ZNF335: variants seen among roughly 807,000 people sequenced by gnomAD.
ZNF335 encodes NRC-interacting factor 1.
ZNF335 carries 84 observed loss-of-function variants against 145.6 expected under a neutral mutation model. That is an observed-to-expected ratio of 0.58 (90% CI 0.48 to 0.69). The LOEUF is 0.69. ZNF335 is among the 30% of genes least tolerant of loss of function. ZNF335 has a pLI of 0.00. For synonymous variants in ZNF335, 761 were observed against 717.0 expected (o/e 1.06, Z -0.98); for missense variants, 1,865 against 1,809.7 (o/e 1.03, Z -0.55).
Position 45,960,751 on chromosome 20 carries a change from G to C in ZNF335, c.1666-19C>G. 6.2e-7 allele frequency: 1 copy of C among 1,612,846 alleles called. No homozygotes were observed. The highest frequency in any genetic ancestry group is 8.5e-7 in the Non-Finnish European group (1 of 1,178,998). ...TTGGAGTCTAGGAAGGCATAAGAAGGGGCCAGATGGAGAAAGAAGTGGAGG... is the reference window on the plus strand; with the variant it reads ...TTGGAGTCTAGGAAGGCATAAGAAGCGGCCAGATGGAGAAAGAAGTGGAGG... On this transcript the variant is annotated intron_variant, in intron 11 of 27. Coordinates refer to ENST00000322927, the MANE Select transcript of ZNF335 (RefSeq NM_022095.4).
In ZNF335 at chr20:45,967,811, T is replaced by G; in HGVS notation, c.737A>C (p.Lys246Thr). ...MMEVVVVQQF[K>T]CKMCQYRSST... Reference sequence around the variant, plus strand: ...GCTCCGGTACTGGCACATCTTGCATTTGAACTGCTGCACCACCACCACCTC... The same window carrying G: ...GCTCCGGTACTGGCACATCTTGCATGTGAACTGCTGCACCACCACCACCTC... Residue 246 changes from lysine (K) to threonine (T), a missense_variant, in exon 5 of 28, where the codon AAA becomes ACA. Lys to Thr is a moderately conservative substitution (Grantham distance 78). Transcript: ENST00000322927. 1 of 1,613,580 alleles carries G rather than the reference T, an allele frequency of 6.2e-7. No homozygotes were observed. Among genetic ancestry groups the G allele is most frequent in the Admixed American group, 1.7e-5 (1 of 60,022 alleles).
chr20:45,949,444 G>A (rs1457564798), intron 25 of ZNF335, 41 bp downstream of exon 25: 1 of 1,613,974 alleles, frequency 6.2e-7, no homozygotes, highest in Non-Finnish European at 8.5e-7. Context: ...AGGTCATGCA[G>A]CCCTTCACCA....
intron 14 of ZNF335, among the ~76,000 whole-genome samples, chr20:45,959,710 C>G (rs1220179466): frequency 2.0e-5 from 3 of 152,190 alleles, no homozygotes; most frequent in East Asian, 3.8e-4. Context: ...GCTAAGGGAA[C>G]CCCTGGCTCC....
rs1467155235 is a variant in ZNF335 at position 45,969,472 on chromosome 20, T to C, written c.421A>G (p.Ile141Val). Reference protein sequence around the residue: ...SAIDKIIESTIGPDLIQNCIT... With the variant: ...SAIDKIIESTVGPDLIQNCIT... ...TCACTCTGGATGAGGTCGGGCCCGA[T>C]GGTGGACTCGATGATCTTGTCGATG... Residue 141 changes from isoleucine (I) to valine (V), a missense_variant, in exon 3 of 28, where the codon ATC becomes GTC. Coordinates refer to ENST00000322927, the MANE Select transcript of ZNF335 (RefSeq NM_022095.4). 6.4e-7 allele frequency: 1 copy of C among 1,553,534 alleles called. No individual in the cohort carries two copies. Among genetic ancestry groups the C allele is most frequent in the Non-Finnish European group, 8.8e-7 (1 of 1,139,614 alleles).
At chr20:45,952,777 G>C in intron 18 of ZNF335, 68 bp from the exon 19 acceptor site, 1 of 1,437,656 alleles carries the variant, frequency 7.0e-7, no homozygotes, top group Non-Finnish European at 9.7e-7. Flanking sequence ...CAAGCAACAG[G>C]CATCAACTGA....
At position 45,971,360 on chromosome 20, in the gene ZNF335, GC is replaced by G. The variant is rs749539754; in HGVS notation, c.50del (p.Gly17AlafsTer83). The G allele has an allele frequency of 1.2e-6, 2 of 1,600,368 alleles. No homozygotes were observed. Among genetic ancestry groups the G allele is most frequent in the South Asian group, 1.1e-5 (1 of 91,032 alleles). On this transcript the variant is annotated frameshift_variant, in exon 2 of 28. Coordinates refer to ENST00000322927, the MANE Select transcript of ZNF335 (RefSeq NM_022095.4). LOFTEE classifies it high-confidence loss of function. ...CGCTCTCAGAGGGCTCCTCGGGCCG[GC>G]CAGGCCCAGGGGCCGCGTCGCTGCT... ...ESSSDAAPGP[G>X]RPEEPSESGL...
chr20:45,959,454 A>G, intron 14 of ZNF335, 21 bp from the exon 15 acceptor site: 1 of 1,424,516 alleles, frequency 7.0e-7, no homozygotes, highest in Non-Finnish European at 9.3e-7. Context: ...ATGTTGGGGC[A>G]TGCTTAAGTC....
Position 45,950,318 on chromosome 20 carries a change from C to T in ZNF335, c.3388G>A (p.Gly1130Arg), listed in dbSNP as rs2083607232. Reference protein sequence around the residue: ...FHIQRLHSPDGRKSGTPTARA... With the variant: ...FHIQRLHSPDRRKSGTPTARA... ...GCTGTAGGGGTTCCTGACTTCCTCC[C>T]ATCAGGACTGTGCAGCCGCTGGATG... Residue 1130 changes from glycine (G) to arginine (R), a missense_variant, in exon 22 of 28, where the codon GGG becomes AGG. Transcript: ENST00000322927. 5.7e-6 allele frequency: 9 copies of T among 1,577,700 alleles called. No homozygotes were observed. Among genetic ancestry groups the T allele is most frequent in the Non-Finnish European group, 7.8e-6 (9 of 1,159,952 alleles).
At chr20:45,957,796 C>A (rs2083756654) in intron 16 of ZNF335, 39 bp downstream of exon 16, 4 of 1,610,966 alleles carry the variant, frequency 2.5e-6, no homozygotes, top group Non-Finnish European at 3.4e-6. Flanking sequence ...ACTCAGAGGT[C>A]CTACCCTCCA....
chr20:45,970,592 GA>G (rs2084040780), intron 2 of ZNF335, among the ~76,000 whole-genome samples: 1 of 152,130 alleles, frequency 6.6e-6, no homozygotes, highest in South Asian at 2.1e-4. Flanking sequence ...CAGCCAGGAG[GA>G]GATGGTTTAC....
intron 24 of ZNF335, 81 bp downstream of exon 24, chr20:45,949,719 A>C (rs1413455461): frequency 6.5e-7 from 1 of 1,549,656 alleles, no homozygotes; most frequent in East Asian, 2.3e-5. Context: ...GTGGTTTGGA[A>C]AGTATCATTC....
chr20:45,950,322 A>C lies in ZNF335; in HGVS notation c.3384T>G (p.Pro1128=). The C allele has an allele frequency of 6.3e-7, 1 of 1,577,468 alleles. No individual in the cohort carries two copies. Among genetic ancestry groups the C allele is most frequent in the Non-Finnish European group, 8.6e-7 (1 of 1,159,688 alleles). The change falls in exon 22 of 28, where the codon CCT becomes CCG. Residue 1128 remains proline, a synonymous_variant. Coordinates refer to ENST00000322927, the MANE Select transcript of ZNF335 (RefSeq NM_022095.4). ...LKFHIQRLHS[P]DGRKSGTPTA... is the part of the protein sequence containing the mutation. Reference sequence around the variant, plus strand: ...TAGGGGTTCCTGACTTCCTCCCATCAGGACTGTGCAGCCGCTGGATGTGGA... The same window carrying C: ...TAGGGGTTCCTGACTTCCTCCCATCCGGACTGTGCAGCCGCTGGATGTGGA...
chr20:45,965,069 T>TAATAATACA (rs1203499217), intron 7 of ZNF335, among the ~76,000 whole-genome samples: 2 of 147,846 alleles, frequency 1.4e-5, no homozygotes, highest in African/African-American at 5.0e-5. Flanking sequence ...ATAATAATAA[T>TAATAATACA]ACAACAACTC....
Position 45,949,324 on chromosome 20 carries a change from C to T in ZNF335, c.3819+9G>A, listed in dbSNP as rs574409465. 29 of 1,614,010 alleles carry T rather than the reference C, an allele frequency of 1.8e-5. No homozygotes were observed. The highest frequency in any genetic ancestry group is 4.0e-5 in the African/African-American group (3 of 74,926). On this transcript the variant is annotated intron_variant, in intron 26 of 27. Transcript: ENST00000322927. Reference sequence around the variant, plus strand: ...TGCCCCAGGTCTCCCTGTCCCCCCACGGCCCTACCTGGGACTCCTGAAGGA... The same window carrying T: ...TGCCCCAGGTCTCCCTGTCCCCCCATGGCCCTACCTGGGACTCCTGAAGGA...
At chr20:45,956,571 A>G (rs900063504) in intron 17 of ZNF335, among the ~76,000 whole-genome samples, 1 of 151,888 alleles carries the variant, frequency 6.6e-6, no homozygotes, top group African/African-American at 2.4e-5. Flanking sequence ...AAGCAGAAAA[A>G]CTCTACCACA....
At chr20:45,965,818 T>C (rs774754320) in intron 6 of ZNF335, 44 bp from the exon 7 acceptor site, 2 of 1,571,502 alleles carry the variant, frequency 1.3e-6, no homozygotes, top group Non-Finnish European at 1.7e-6. Flanking sequence ...TGGCGGGACC[T>C]GCCCTTTCAG....
In ZNF335 at chr20:45,957,926, T is replaced by TA. The variant is rs770096834; in HGVS notation, c.2255dup (p.Pro753ThrfsTer11). ...ACTGGAAAGTTGTCGCCTCTGGGGG[T>TA]ATCTATGGGGTGGAGATATGGCCAC... On this transcript the variant is annotated frameshift_variant and splice_region_variant, in exon 16 of 28. Coordinates refer to ENST00000322927, the MANE Select transcript of ZNF335 (RefSeq NM_022095.4). LOFTEE classifies it high-confidence loss of function. The TA allele has an allele frequency of 1.2e-6, 2 of 1,613,718 alleles. No individual in the cohort carries two copies. Among genetic ancestry groups the TA allele is most frequent in the South Asian group, 2.2e-5 (2 of 91,060 alleles).
chr20:45,960,619 G>A lies in ZNF335; in HGVS notation c.1779C>T (p.Asp593=). Residue 593 remains aspartate (D), a synonymous_variant, in exon 12 of 28, where the codon GAC becomes GAT. Transcript: ENST00000322927. Reference sequence around the variant, plus strand: ...CCCAGCCCTGGCTCCCACCCACCTTGTCACACATGTGGGGCTTCTCAGTGC... The same window carrying A: ...CCCAGCCCTGGCTCCCACCCACCTTATCACACATGTGGGGCTTCTCAGTGC... ...THSTEKPHMC[D]KCGKSFKKRY... The A allele has an allele frequency of 1.2e-6, 2 of 1,614,048 alleles. No homozygotes were observed. Among genetic ancestry groups the A allele is most frequent in the Non-Finnish European group, 1.7e-6 (2 of 1,179,948 alleles).
Position 45,963,605 on chromosome 20 carries a change from G to A in ZNF335, c.1401C>T (p.Cys467=). 1 of 1,614,240 alleles carries A rather than the reference G, an allele frequency of 6.2e-7. No individual in the cohort carries two copies. Among genetic ancestry groups the A allele is most frequent in the Non-Finnish European group, 8.5e-7 (1 of 1,180,050 alleles). Residue 467 remains cysteine (C), a synonymous_variant, in exon 9 of 28, where the codon TGC becomes TGT. Coordinates refer to ENST00000322927, the MANE Select transcript of ZNF335 (RefSeq NM_022095.4). ...ACAGAAAGCGAGAACCACAGATGCG[G>A]CACAGGAAGGGCCTCAAAAGTGGTT... ...SPKPLLRPFL[C]RICGSRFLSH...
Sources: gnomAD v4.1 joint callset for allele counts (sites outside exome capture counted in the v4.1 genomes callset) on GRCh38, gnomAD v4.1.1 for gene constraint, MANE v1.5 for transcripts, NCBI Gene and HGNC (gene_info 2026-07-23, HGNC 2026-07-21) for gene names.